NDUFV3: variants seen among roughly 807,000 people sequenced by gnomAD.
The protein encoded by NDUFV3 is NADH dehydrogenase [ubiquinone] flavoprotein 3, mitochondrial.
A neutral mutation model predicts 37.5 loss-of-function variants in NDUFV3; 44 were observed. The ratio of observed to expected loss-of-function variants is 1.17; its 90% CI spans 0.92 to 1.51. The LOEUF (loss-of-function observed/expected upper bound fraction) is 1.51, where lower values mean the gene tolerates loss of function less well. NDUFV3 is among the 40% of genes most tolerant of loss of function. NDUFV3 has a pLI of 0.00. For missense variants in NDUFV3, 580 were observed against 580.4 expected, an observed-to-expected ratio of 1.00 and a Z score of 0.01; for synonymous variants, 235 against 239.3, an observed-to-expected ratio of 0.98 and a Z score of 0.17.
At position 42,902,955 on chromosome 21, in the gene NDUFV3, A is replaced by G. The variant is rs1489706687; in HGVS notation, c.170-227A>G. ...AAATAGTTGTTGTATTGTTTAGGGA[A>G]TAATGTCAAGGAAAAAAGTTTGTTC... On this transcript the variant is annotated intron_variant, in intron 2 of 3. Transcript: ENST00000354250. Among the ~76,000 whole-genome samples the G allele has an allele frequency of 2.6e-5, 4 of 152,222 alleles. No individual in the cohort carries two copies. The East Asian group carries it at 5.8e-4, about 22-fold the overall frequency.
chr21:42,897,652 C>T (rs2058698810), intron 2 of NDUFV3, among the ~76,000 whole-genome samples: 1 of 152,054 alleles, frequency 6.6e-6, no homozygotes, highest in South Asian at 2.1e-4. Flanking sequence ...GGATTACAGG[C>T]GTGAGCCACT....
At position 42,912,241 on chromosome 21, in the gene NDUFV3, A is replaced by T. The variant is rs1330990462; in HGVS notation, c.*3220A>T. 1.3e-5 allele frequency: 2 copies of T among 152,212 alleles called. No homozygotes were observed. Among genetic ancestry groups the T allele is most frequent in the Non-Finnish European group, 2.9e-5 (2 of 68,058 alleles). The allele number at this position is 152,212 out of a possible 1,614,324, so 9.4% of individuals were successfully genotyped here. A position where few individuals can be genotyped will look rare whatever the true frequency, so the allele number is the denominator to read the frequency against. ...GGCAACAACAGCAAAACTCCGTCTC[A>T]AAAAAATAAAGTTCTTCCCTTAGAA... On this transcript the variant is annotated 3_prime_UTR_variant, in exon 4 of 4. Coordinates refer to ENST00000354250, the MANE Select transcript of NDUFV3 (RefSeq NM_021075.4).
At chr21:42,902,589 A>G (rs2058721790) in intron 2 of NDUFV3, among the ~76,000 whole-genome samples, 1 of 152,202 alleles carries the variant, frequency 6.6e-6, no homozygotes, top group Non-Finnish European at 1.5e-5. Context: ...TGCTTTCACT[A>G]ATTACTAGTA....
rs1219598230 is a variant in NDUFV3, at chr21:42,910,483, GGT to G, written c.*1464_*1465del. The G allele has an allele frequency of 1.3e-5, 2 of 152,366 alleles. No homozygotes were observed. Among genetic ancestry groups the G allele is most frequent in the Admixed American group, 1.3e-4 (2 of 15,276 alleles). The allele number at this position is 152,366 out of a possible 1,614,324, so 9.4% of individuals were successfully genotyped here. ...ATTTTCATTGGTGAGATTCGGAAGA[GGT>G]GAAGTTTCTTGCAGTACAGGGACGA... On this transcript the variant is annotated 3_prime_UTR_variant, in exon 4 of 4. Transcript: ENST00000354250.
chr21:42,907,579 A>G (rs2058747720), intron 3 of NDUFV3, among the ~76,000 whole-genome samples: 1 of 151,550 alleles, frequency 6.6e-6, no homozygotes, highest in African/African-American at 2.4e-5. Context: ...GCCTCCTGAC[A>G]TAGCTGGGAT....
In NDUFV3 at chr21:42,911,247, A is replaced by G. The variant is rs973197625; in HGVS notation, c.*2226A>G. On this transcript the variant is annotated 3_prime_UTR_variant, in exon 4 of 4. Transcript: ENST00000354250. ...ACAGCGTGAGACTGCATCTCAAAAA[A>G]AAATTTTTTTTTTTAAATATCAAAA... 1.3e-5 allele frequency: 2 copies of G among 152,156 alleles called. No homozygotes were observed. The highest frequency in any genetic ancestry group is 4.8e-5 in the African/African-American group (2 of 41,438). 9.4% of individuals were successfully genotyped at this position (152,156 alleles called of 1,614,324 possible).
At chr21:42,902,492 T>C (rs1456499859) in intron 2 of NDUFV3, among the ~76,000 whole-genome samples, 2 of 152,230 alleles carry the variant, frequency 1.3e-5, no homozygotes, top group African/African-American at 2.4e-5. Flanking sequence ...TTGAAGGCCA[T>C]GCCCTCACTT....
Position 42,894,442 on chromosome 21 carries a change from AAT to A in NDUFV3, c.48+1069_48+1070del, listed in dbSNP as rs1378351967. 2.7e-4 allele frequency among the ~76,000 whole-genome samples: 15 copies of A among 55,682 alleles called. 1 individual carries two copies. The highest frequency in any genetic ancestry group is 1.4e-3 in the African/African-American group (10 of 7,150). The allele number at this position is 55,682 out of a possible 152,430, so 36.5% of individuals were successfully genotyped here. On this transcript the variant is annotated intron_variant, in intron 1 of 3. Transcript: ENST00000354250. ...TATATTATATAAATATATATTATAT[AAT>A]ATATATAATATGTTTATATAAATAT...
intron 3 of NDUFV3, among the ~76,000 whole-genome samples, chr21:42,906,566 A>G (rs2058742901): frequency 6.6e-6 from 1 of 152,226 alleles, no homozygotes; most frequent in Admixed American, 6.5e-5. Flanking sequence ...CTCGCAGGAT[A>G]AAAACAGAAT....
Position 42,903,396 on chromosome 21 carries a change from T to G in NDUFV3, c.384T>G (p.Val128=), listed in dbSNP as rs1174117205. The G allele has an allele frequency of 6.2e-7, 1 of 1,614,106 alleles. No individual in the cohort carries two copies. Among genetic ancestry groups the G allele is most frequent in the African/African-American group, 1.3e-5 (1 of 74,942 alleles). Residue 128 remains valine (V), a synonymous_variant, in exon 3 of 4, where the codon GTT becomes GTG. Transcript: ENST00000354250. The stretch of plus-strand genomic sequence containing the variant: ...CTTTGGTAGAGTTTCCACAGAAAGT[T>G]CTGTCTCCATTCAGAAAACAGGGCT... ...RKTLVEFPQK[V]LSPFRKQGSD...
chr21:42,895,194 C>A (rs2058685131), intron 1 of NDUFV3, among the ~76,000 whole-genome samples: 1 of 151,842 alleles, frequency 6.6e-6, no homozygotes, highest in Non-Finnish European at 1.5e-5. Context: ...ACTAAAAATA[C>A]AAGAAGAGCC....
In NDUFV3 at chr21:42,893,314, G is replaced by GT. The variant is rs1569346304; in HGVS notation, c.-19dup. ...CGCGCAGCTGCTGTGGCCCTGCTTG[G>GT]TGCGCCCGCTGTCACCGCCATGGCT... On this transcript the variant is annotated 5_prime_UTR_variant, in exon 1 of 4. Coordinates refer to ENST00000354250, the MANE Select transcript of NDUFV3 (RefSeq NM_021075.4). 2.0e-6 allele frequency: 3 copies of GT among 1,537,312 alleles called. No homozygotes were observed.
rs1418034720 is a variant in NDUFV3, at chr21:42,904,124, T to C, written c.1112T>C (p.Val371Ala). The change falls in exon 3 of 4, where the codon GTG becomes GCG. Residue 371 changes from valine (V) to alanine (A), a missense_variant. Coordinates refer to ENST00000354250, the MANE Select transcript of NDUFV3 (RefSeq NM_021075.4). ...CACCTGAAGGGTGGACAGGCAATCGTGGAAGATCAGATACCACCAAGCAAT... is the reference window on the plus strand; with the variant it reads ...CACCTGAAGGGTGGACAGGCAATCGCGGAAGATCAGATACCACCAAGCAAT... ...EGHLKGGQAI[V>A]EDQIPPSNLE... 1 of 1,614,194 alleles carries C rather than the reference T, an allele frequency of 6.2e-7. No homozygotes were observed. Among genetic ancestry groups the C allele is most frequent in the Non-Finnish European group, 8.5e-7 (1 of 1,180,038 alleles).
chr21:42,901,559 A>C (rs1601219447), intron 2 of NDUFV3, among the ~76,000 whole-genome samples: 1 of 151,378 alleles, frequency 6.6e-6, no homozygotes, highest in Admixed American at 6.6e-5. Flanking sequence ...CGAGATTTGC[A>C]CCACTGCACT....
rs138814215 is a variant in NDUFV3, at chr21:42,896,673, A to G, written c.49-254A>G. Among the ~76,000 whole-genome samples, 584 of 152,166 alleles carry G rather than the reference A, an allele frequency of 3.8e-3. 4 individuals carry two copies. Among genetic ancestry groups the G allele is most frequent in the African/African-American group, 0.013 (538 of 41,532 alleles). ...TGAGACCAACCTGGGCCACGTAGCC[A>G]GATCTCGTCTCTATAAAAAATAAAA... is the stretch of plus-strand genomic sequence containing the variant. On this transcript the variant is annotated intron_variant, in intron 1 of 3. Coordinates refer to ENST00000354250, the MANE Select transcript of NDUFV3 (RefSeq NM_021075.4).
Position 42,912,615 on chromosome 21 carries a change from A to T in NDUFV3, c.*3594A>T, listed in dbSNP as rs1275361961. ...CTACTAAAAATACAAAAAATTGGCC[A>T]GGTGCGGTGGCTCACGCCTGTAATC... On this transcript the variant is annotated 3_prime_UTR_variant, in exon 4 of 4. Transcript: ENST00000354250. 8.6e-6 allele frequency: 1 copy of T among 116,738 alleles called. No individual in the cohort carries two copies. The highest frequency in any genetic ancestry group is 3.3e-5 in the African/African-American group (1 of 30,518). The allele number at this position is 116,738 out of a possible 1,614,324, so 7.2% of individuals were successfully genotyped here.
At chr21:42,897,420 G>T (rs2058697403) in intron 2 of NDUFV3, among the ~76,000 whole-genome samples, 1 of 151,114 alleles carries the variant, frequency 6.6e-6, no homozygotes, top group Non-Finnish European at 1.5e-5. Context: ...GTTTTGTTTT[G>T]TTTTGTTTTG....
At position 42,911,185 on chromosome 21, in the gene NDUFV3, G is replaced by A. The variant is rs900969706; in HGVS notation, c.*2164G>A. The A allele has an allele frequency of 1.3e-5, 2 of 152,218 alleles. No homozygotes were observed. Among genetic ancestry groups the A allele is most frequent in the African/African-American group, 4.8e-5 (2 of 41,440 alleles). 9.4% of individuals were successfully genotyped at this position (152,218 alleles called of 1,614,324 possible). The stretch of plus-strand genomic sequence containing the variant: ...TTGAACCCGGGAGGCGGGGTTTGCA[G>A]TAAGCCGAGATCATGCCATTGCATT... On this transcript the variant is annotated 3_prime_UTR_variant, in exon 4 of 4. Transcript: ENST00000354250.
At chr21:42,897,229 T>C (rs2058696476) in intron 2 of NDUFV3, among the ~76,000 whole-genome samples, 182 bp downstream of exon 2, 1 of 152,206 alleles carries the variant, frequency 6.6e-6, no homozygotes, top group Admixed American at 6.5e-5. Context: ...ATTTCAGTCA[T>C]GTCGTAGTCT....
Sources: allele counts gnomAD v4.1 joint callset (sites outside exome capture counted in the v4.1 genomes callset), GRCh38; gene constraint gnomAD v4.1.1; transcripts MANE v1.5; gene names NCBI Gene and HGNC (gene_info 2026-07-23, HGNC 2026-07-21).